DOCK6: variants seen among roughly 807,000 people sequenced by gnomAD.
DOCK6 encodes the protein dedicator of cytokinesis 6.
Under a neutral mutation model 230.3 loss-of-function variants are expected in DOCK6, and 167 were observed. That is an observed-to-expected ratio of 0.73 (90% CI 0.64 to 0.82). The LOEUF (loss-of-function observed/expected upper bound fraction) is 0.82. DOCK6 is among the 40% of genes least tolerant of loss of function. The probability of loss-of-function intolerance (pLI) is 0.00; values close to 1 mark genes in which losing one functional copy is unlikely to be tolerated. For missense variants in DOCK6, 2,598 were observed against 2,825.8 expected (o/e 0.92, Z 1.83); for synonymous variants, 1,148 against 1,185.0 (o/e 0.97, Z 0.64).
At position 11,213,302 on chromosome 19, in the gene DOCK6, GTCC is replaced by G. The variant is rs769945062; in HGVS notation, c.4362_4364del (p.Glu1454del). On this transcript the variant is annotated inframe_deletion, in exon 35 of 48. Transcript: ENST00000294618. The stretch of plus-strand genomic sequence containing the variant: ...GGCACAGGTCGGCACACAGCTCCGT[GTCC>G]TCCTCGAACAGCAGCTCCGGGAACT... 9.9e-6 allele frequency: 16 copies of G among 1,612,160 alleles called. No homozygotes were observed. The highest frequency in any genetic ancestry group is 6.7e-5 in the Admixed American group (4 of 59,966).
rs2080307290 is a variant in DOCK6, at chr19:11,262,441, G to A, written c.-1C>T. 7.4e-6 allele frequency: 9 copies of A among 1,208,546 alleles called. No homozygotes were observed. Among genetic ancestry groups the A allele is most frequent in the Non-Finnish European group, 9.2e-6 (9 of 974,208 alleles). 74.9% of individuals were successfully genotyped at this position (1,208,546 alleles called of 1,614,324 possible). ...AGGCGCGGCGCTCGGAGGCAGCCAT[G>A]GTCCTCGCGTCCCGCCGCCGCCGCC... On this transcript the variant is annotated 5_prime_UTR_variant, in exon 1 of 48. Coordinates refer to ENST00000294618, the MANE Select transcript of DOCK6 (RefSeq NM_020812.4).
intron 1 of DOCK6, among the ~76,000 whole-genome samples, chr19:11,255,613 C>T (rs2080185205): frequency 2.0e-5 from 3 of 152,114 alleles, no homozygotes; most frequent in Admixed American, 2.0e-4. Flanking sequence ...TCTTCTTCTA[C>T]AACTTGCCCA....
intron 1 of DOCK6, among the ~76,000 whole-genome samples, chr19:11,260,277 A>G (rs1394369876): frequency 6.6e-6 from 1 of 152,152 alleles, no homozygotes; most frequent in Non-Finnish European, 1.5e-5. Context: ...ATACAGACCA[A>G]AATGCAAAGA....
At chr19:11,207,110 G>C (rs1393386996) in intron 39 of DOCK6, among the ~76,000 whole-genome samples, 1 of 152,152 alleles carries the variant, frequency 6.6e-6, no homozygotes, top group Non-Finnish European at 1.5e-5. Context: ...TGGGATTACA[G>C]GAGTCAGCCA....
chr19:11,261,534 G>T (rs2080288435), intron 1 of DOCK6, among the ~76,000 whole-genome samples: 1 of 152,196 alleles, frequency 6.6e-6, no homozygotes, highest in African/African-American at 2.4e-5. Flanking sequence ...AGGTCCCCCG[G>T]GGAGAGGATA....
chr19:11,261,322 C>T (rs1219342755), intron 1 of DOCK6, among the ~76,000 whole-genome samples: 1 of 152,056 alleles, frequency 6.6e-6, no homozygotes, highest in African/African-American at 2.4e-5. Flanking sequence ...CCTGACCCAC[C>T]TCCCGCATCT....
At chr19:11,238,012 G>A (rs2079878470) in intron 16 of DOCK6, 33 bp downstream of exon 16, 1 of 1,610,710 alleles carries the variant, frequency 6.2e-7, no homozygotes, top group South Asian at 1.1e-5. Flanking sequence ...CCCCATGAGT[G>A]CCCCCAAGTT....
chr19:11,222,680 C>CCT lies in DOCK6; in HGVS notation c.3240+54_3240+55insAG. The CCT allele has an allele frequency of 6.7e-7, 1 of 1,496,614 alleles. No individual in the cohort carries two copies. The highest frequency in any genetic ancestry group is 1.3e-5 in the South Asian group (1 of 77,680). The allele number at this position is 1,496,614 out of a possible 1,614,324, so 92.7% of individuals were successfully genotyped here. On this transcript the variant is annotated intron_variant, in intron 26 of 47. Transcript: ENST00000294618. This position sits in a 1 kb window ranked among gnomAD's most constrained non-coding sequence, Gnocchi z 4.0. ...AGATGAGGGAACCATAGGAGATGGA[C>CCT]TGAAGGTGAGAGGTTGTAGGTCAAA...
chr19:11,250,737 T>G (rs2080104244), intron 6 of DOCK6, 137 bp downstream of exon 6: 1 of 823,554 alleles, frequency 1.2e-6, no homozygotes, highest in Non-Finnish European at 1.9e-6. Flanking sequence ...ATACAGTAGG[T>G]GCCCAATAAA....
At chr19:11,247,830 G>GT in intron 7 of DOCK6, 1 of 511,274 alleles carries the variant, frequency 2.0e-6, no homozygotes, top group Non-Finnish European at 3.6e-6. Flanking sequence ...TATAAGACGG[G>GT]TTCATATACA....
At chr19:11,258,424 TTCTC>T (rs574257638) in intron 1 of DOCK6, among the ~76,000 whole-genome samples, 11 of 151,764 alleles carry the variant, frequency 7.2e-5, no homozygotes, top group East Asian at 5.8e-4. Flanking sequence ...GCACTTTTCT[TTCTC>T]TCTCTCTCTC....
At chr19:11,212,242 C>T (rs1056615835) in intron 35 of DOCK6, 91 bp from the exon 36 acceptor site, 21 of 1,434,480 alleles carry the variant, frequency 1.5e-5, no homozygotes, top group Non-Finnish European at 1.9e-5. Flanking sequence ...ATGGCCCTTG[C>T]GTTCTTTATT....
rs537338200 is a variant in DOCK6 at position 11,253,063 on chromosome 19, G to T, written c.133-105C>A. On this transcript the variant is annotated intron_variant, in intron 2 of 47. Coordinates refer to ENST00000294618, the MANE Select transcript of DOCK6 (RefSeq NM_020812.4). The stretch of plus-strand genomic sequence containing the variant: ...TGGCTTCAAACTCAAATAGGAGGGC[G>T]GTGGGAGCCATGGAGGGTGTTGGAG... 2.6e-6 allele frequency: 3 copies of T among 1,162,008 alleles called. No homozygotes were observed. The South Asian group carries it at 4.6e-5, about 18-fold the overall frequency. 72.0% of individuals were successfully genotyped at this position (1,162,008 alleles called of 1,614,324 possible).
rs928239183 is a variant in DOCK6, at chr19:11,240,094, G to A, written c.1644-1790C>T. 4.5e-6 allele frequency: 7 copies of A among 1,550,722 alleles called. No homozygotes were observed. In the African/African-American group the frequency reaches 5.5e-5, roughly 12 times the overall value. Reference sequence around the variant, plus strand: ...GGCAAGTCCTTAGGTACACAAAGATGAGTTGGACATCCTACTAGTGACCCA... The same window carrying A: ...GGCAAGTCCTTAGGTACACAAAGATAAGTTGGACATCCTACTAGTGACCCA... On this transcript the variant is annotated intron_variant, in intron 14 of 47. Coordinates refer to ENST00000294618, the MANE Select transcript of DOCK6 (RefSeq NM_020812.4).
intron 34 of DOCK6, among the ~76,000 whole-genome samples, chr19:11,213,890 G>A (rs1179556580): frequency 3.4e-5 from 5 of 148,588 alleles, no homozygotes; most frequent in Admixed American, 6.9e-5. Context: ...TTGACCTCCC[G>A]GGCTCAAGTG....
At position 11,200,584 on chromosome 19, in the gene DOCK6, A is replaced by T. The variant is rs1195349083; in HGVS notation, c.5940-115T>A. 6.6e-7 allele frequency: 1 copy of T among 1,514,438 alleles called. No individual in the cohort carries two copies. Among genetic ancestry groups the T allele is most frequent in the Non-Finnish European group, 8.9e-7 (1 of 1,123,424 alleles). 93.8% of individuals were successfully genotyped at this position (1,514,438 alleles called of 1,614,324 possible). A position where few individuals can be genotyped will look rare whatever the true frequency, so the allele number is the denominator to read the frequency against. ...GGCCTGCAGAAAGACCCGCAATAGG[A>T]GGTCAGGTTGGGAGAGTGGACTTAA... On this transcript the variant is annotated intron_variant, in intron 46 of 47. Coordinates refer to ENST00000294618, the MANE Select transcript of DOCK6 (RefSeq NM_020812.4). This position sits in a 1 kb window ranked among gnomAD's most constrained non-coding sequence, Gnocchi z 4.3.
rs537003371 is a variant in DOCK6, at chr19:11,256,441, G to C, written c.45-2715C>G. ...GGGTCTGCAACACCACAGCCACAGA[G>C]CCAGCTGACTGCATCACAGGACTCT... is the stretch of plus-strand genomic sequence containing the variant. On this transcript the variant is annotated intron_variant, in intron 1 of 47. Transcript: ENST00000294618. 5.3e-5 allele frequency among the ~76,000 whole-genome samples: 8 copies of C among 152,214 alleles called. No homozygotes were observed. The East Asian group carries it at 1.6e-3, about 30-fold the overall frequency.
chr19:11,260,148 C>T (rs150719893), intron 1 of DOCK6, among the ~76,000 whole-genome samples: 2 of 152,160 alleles, frequency 1.3e-5, no homozygotes, highest in Non-Finnish European at 2.9e-5. Flanking sequence ...GCTCTGGAAG[C>T]CCTGGGCCAC....
chr19:11,200,502 C>G lies in DOCK6; in HGVS notation c.5940-33G>C, dbSNP rs2079151197. On this transcript the variant is annotated intron_variant, in intron 46 of 47. Transcript: ENST00000294618. This position sits in a 1 kb window ranked among gnomAD's most constrained non-coding sequence, Gnocchi z 4.3. ...CCAGAGGGTGGGAGATGCTCAGAGA[C>G]TCGCACACGGGACTGAAAGCAAGAC... The G allele has an allele frequency of 2.5e-6, 4 of 1,600,226 alleles. No homozygotes were observed. In the East Asian group the frequency reaches 9.1e-5, roughly 36 times the overall value.
Sources: allele counts gnomAD v4.1 joint callset (sites outside exome capture counted in the v4.1 genomes callset), GRCh38; gene constraint gnomAD v4.1.1; non-coding constraint Gnocchi (gnomAD v3.1); transcripts MANE v1.5; gene names NCBI Gene and HGNC (gene_info 2026-07-23, HGNC 2026-07-21).